The following MOGAT1 variants were observed in gnomAD, a reference collection of about 807,000 sequenced individuals.
The protein encoded by MOGAT1 is 2-acylglycerol O-acyltransferase 1.
MOGAT1 carries 32 observed loss-of-function variants against 31.4 expected under a neutral mutation model. The observed-to-expected ratio is 1.02, with a 90% CI of 0.77 to 1.37. The LOEUF (loss-of-function observed/expected upper bound fraction) is 1.37. Among genes scored for constraint, MOGAT1 ranks in the 40% most tolerant of loss-of-function variants. The pLI, the probability that MOGAT1 is intolerant of heterozygous loss-of-function variation, is 0.00. For missense variants in MOGAT1, 426 were observed against 402.0 expected (o/e 1.06, Z -0.51); for synonymous variants, 145 against 144.5 (o/e 1.00, Z -0.03).
chr2:222,684,299 G>T (rs181652824), intron 1 of MOGAT1, among the ~76,000 whole-genome samples: 1 of 151,836 alleles, frequency 6.6e-6, no homozygotes, highest in Admixed American at 6.6e-5. Flanking sequence ...AGCTATATTC[G>T]GGAGGCTGAG....
chr2:222,708,644 G>A (rs1443659390), intron 5 of MOGAT1, among the ~76,000 whole-genome samples: 1 of 151,998 alleles, frequency 6.6e-6, no homozygotes, highest in Non-Finnish European at 1.5e-5. Flanking sequence ...CCATCCCTAC[G>A]TCCTTACCAA....
chr2:222,679,816 A>G (rs1398052651), intron 1 of MOGAT1, among the ~76,000 whole-genome samples: 1 of 152,260 alleles, frequency 6.6e-6, no homozygotes, highest in African/African-American at 2.4e-5. Context: ...TGAAACTTCA[A>G]GGAAGCAGGT....
intron 2 of MOGAT1, 76 bp downstream of exon 2, chr2:222,688,598 C>T: frequency 9.6e-7 from 1 of 1,046,890 alleles, no homozygotes; most frequent in Non-Finnish European, 1.4e-6. Flanking sequence ...ACATATATCT[C>T]AAGCTTCTTT....
Position 222,694,536 on chromosome 2 carries a change from G to C in MOGAT1, c.653G>C (p.Gly218Ala). The C allele has an allele frequency of 6.2e-7, 1 of 1,611,994 alleles. No individual in the cohort carries two copies. Among genetic ancestry groups the C allele is most frequent in the Non-Finnish European group, 8.5e-7 (1 of 1,179,200 alleles). ...TTTGTTAAAATTGCTTTGACCCATG[G>C]GTAAGTGGCTTTTTGTATAAAGTAG... ...KGFVKIALTH[G>A]ASLVPVVSFG... The change falls in exon 4 of 6, where the codon GGC becomes GCC. Residue 218 changes from glycine (G) to alanine (A), a missense_variant and splice_region_variant. Coordinates refer to ENST00000446656, the MANE Select transcript of MOGAT1 (RefSeq NM_058165.3).
At chr2:222,698,037 G>C (rs1692860794) in intron 5 of MOGAT1, among the ~76,000 whole-genome samples, 1 of 152,178 alleles carries the variant, frequency 6.6e-6, no homozygotes, top group Admixed American at 6.5e-5. Context: ...AGGAACATAT[G>C]TTTATAAGAC....
At chr2:222,681,476 A>G (rs1692579863) in intron 1 of MOGAT1, among the ~76,000 whole-genome samples, 1 of 152,150 alleles carries the variant, frequency 6.6e-6, no homozygotes, top group Non-Finnish European at 1.5e-5. Flanking sequence ...AAAGCACAGG[A>G]GTTTCTGTCC....
chr2:222,707,626 G>A lies in MOGAT1; in HGVS notation c.854-2110G>A, dbSNP rs529731357. Reference sequence around the variant, plus strand: ...TTCCAGCCACAATTGACAGTGAGATGGTTGTTTCCAGTTCTTTGTGTTGAG... The same window carrying A: ...TTCCAGCCACAATTGACAGTGAGATAGTTGTTTCCAGTTCTTTGTGTTGAG... On this transcript the variant is annotated intron_variant, in intron 5 of 5. Transcript: ENST00000446656. Among the ~76,000 whole-genome samples the A allele has an allele frequency of 2.3e-3, 356 of 152,224 alleles. 1 individual carries two copies. Among genetic ancestry groups the A allele is most frequent in the African/African-American group, 8.3e-3 (345 of 41,530 alleles).
chr2:222,694,189 G>T (rs886272766), intron 3 of MOGAT1, among the ~76,000 whole-genome samples, 173 bp from the exon 4 acceptor site: 1 of 152,162 alleles, frequency 6.6e-6, no homozygotes, highest in African/African-American at 2.4e-5. Flanking sequence ...CTTATTAATA[G>T]AATACATTAC....
Position 222,687,502 on chromosome 2 carries a change from T to C in MOGAT1, c.95-842T>C, listed in dbSNP as rs192845482. 4.6e-5 allele frequency among the ~76,000 whole-genome samples: 7 copies of C among 152,352 alleles called. No homozygotes were observed. The East Asian group carries it at 1.3e-3, about 29-fold the overall frequency. The stretch of plus-strand genomic sequence containing the variant: ...TTCATAATTTTTTAATTGTAGTATA[T>C]AACATAGACATTTAAAAAATGTATA... On this transcript the variant is annotated intron_variant, in intron 1 of 5. Transcript: ENST00000446656.
rs756786493 is a variant in MOGAT1, at chr2:222,688,463, T to G, written c.214T>G (p.Ser72Ala). 2 of 1,613,802 alleles carry G rather than the reference T, an allele frequency of 1.2e-6. No individual in the cohort carries two copies. Among genetic ancestry groups the G allele is most frequent in the Admixed American group, 1.7e-5 (1 of 59,978 alleles). The change falls in exon 2 of 6, where the codon TCC becomes GCC. Residue 72 changes from serine (S) to alanine (A), a missense_variant. Transcript: ENST00000446656. ...TACCCCAGAGCGAGGAGGCAGGAGA[T>G]CCAGCTGGATCAAAAATTGGACTCT... ...WHTPERGGRR[S>A]SWIKNWTLWK...
At chr2:222,682,146 A>G (rs1012954856) in intron 1 of MOGAT1, among the ~76,000 whole-genome samples, 4 of 152,136 alleles carry the variant, frequency 2.6e-5, no homozygotes, top group African/African-American at 7.2e-5. Flanking sequence ...ATACGTGTGC[A>G]CACACACACT....
rs1318536162 is a variant in MOGAT1 at position 222,691,572 on chromosome 2, A to G, written c.478+2103A>G. Among the ~76,000 whole-genome samples, 2 of 152,300 alleles carry G rather than the reference A, an allele frequency of 1.3e-5. 1 individual carries two copies. The highest frequency in any genetic ancestry group is 4.8e-5 in the African/African-American group (2 of 41,562). On this transcript the variant is annotated intron_variant, in intron 3 of 5. Transcript: ENST00000446656. ...ACAACCTTCAGTTCCTTAAAAGGTA[A>G]ATAGAAATACTCAAACTTTCAGCCA...
chr2:222,677,546 A>G (rs1692517414), intron 1 of MOGAT1: 1 of 160,708 alleles, frequency 6.2e-6, no homozygotes, highest in African/African-American at 2.4e-5. Flanking sequence ...ACCAGCTTCT[A>G]GGTCTAAGGC....
intron 1 of MOGAT1, among the ~76,000 whole-genome samples, chr2:222,681,606 A>G (rs916095550): frequency 6.6e-6 from 1 of 152,126 alleles, no homozygotes; most frequent in Non-Finnish European, 1.5e-5. Flanking sequence ...TACTAACATG[A>G]TCAGTCACTA....
Position 222,695,116 on chromosome 2 carries a change from T to C in MOGAT1, c.681T>C (p.Phe227=), listed in dbSNP as rs1309249035. Residue 227 remains phenylalanine, a synonymous_variant, in exon 5 of 6, where the codon TTT becomes TTC. Transcript: ENST00000446656. The stretch of plus-strand genomic sequence containing the variant: ...CCTCTCTGGTCCCAGTGGTTTCTTT[T>C]GGTGAAAATGAACTGTTTAAACAAA... ...HGASLVPVVS[F]GENELFKQTD... 3.1e-6 allele frequency: 5 copies of C among 1,605,578 alleles called. No homozygotes were observed. Among genetic ancestry groups the C allele is most frequent in the East Asian group, 2.3e-5 (1 of 44,374 alleles).
At chr2:222,684,963 A>T (rs1002677163) in intron 1 of MOGAT1, among the ~76,000 whole-genome samples, 3 of 152,238 alleles carry the variant, frequency 2.0e-5, no homozygotes, top group Non-Finnish European at 2.9e-5. Flanking sequence ...AATTGTTAGA[A>T]TCACAGATAT....
intron 1 of MOGAT1, among the ~76,000 whole-genome samples, chr2:222,678,676 C>T (rs1353875619): frequency 3.9e-5 from 6 of 152,300 alleles, no homozygotes; most frequent in Admixed American, 3.3e-4. Flanking sequence ...TGTGCTGGCT[C>T]ATGCCTGTAA....
At chr2:222,701,797 G>C (rs1020654269) in intron 5 of MOGAT1, among the ~76,000 whole-genome samples, 34 of 152,310 alleles carry the variant, frequency 2.2e-4, no homozygotes, top group African/African-American at 7.9e-4. Flanking sequence ...TTGTCATTAA[G>C]AGGCATTTAT....
At chr2:222,676,070 G>A (rs1358907656) in intron 1 of MOGAT1, among the ~76,000 whole-genome samples, 1 of 151,536 alleles carries the variant, frequency 6.6e-6, no homozygotes, top group Non-Finnish European at 1.5e-5. Context: ...GTAGCAAAAT[G>A]TTTCATTTAG....
Sources: gnomAD v4.1 joint callset for allele counts (sites outside exome capture counted in the v4.1 genomes callset) on GRCh38, gnomAD v4.1.1 for gene constraint, MANE v1.5 for transcripts, NCBI Gene and HGNC (gene_info 2026-07-23, HGNC 2026-07-21) for gene names.